Variants in DELE1 observed in about 807,000 individuals in gnomAD.
DELE1 encodes DAP3 binding cell death enhancer 1.
DELE1 carries 54 observed loss-of-function variants against 59.3 expected under a neutral mutation model. The observed-to-expected ratio is 0.91, with a 90% CI of 0.73 to 1.14. The LOEUF is 1.14. DELE1 is among the 50% of genes most tolerant of loss of function. The pLI is 0.00. For missense variants in DELE1, 636 were observed against 643.9 expected, an observed-to-expected ratio of 0.99 and a Z score of 0.13; for synonymous variants, 264 against 259.1, an observed-to-expected ratio of 1.02 and a Z score of -0.18.
chr5:141,934,213 G>A (rs759994121), intron 8 of DELE1, 27 bp from the exon 9 acceptor site: 53 of 1,572,548 alleles, frequency 3.4e-5, no homozygotes, highest in Non-Finnish European at 4.3e-5. Context: ...GTTGCCAGCC[G>A]ACTGGGTGTT....
intron 10 of DELE1, among the ~76,000 whole-genome samples, chr5:141,935,375 T>G (rs1752272225): frequency 1.3e-5 from 2 of 152,258 alleles, no homozygotes; most frequent in Admixed American, 1.3e-4. Flanking sequence ...AAAGGCCATC[T>G]GTAATTTGCT....
Position 141,940,207 on chromosome 5 carries a change from T to A in DELE1, c.*1448T>A, listed in dbSNP as rs1596629634. On this transcript the variant is annotated 3_prime_UTR_variant, in exon 12 of 12. Coordinates refer to ENST00000432126, the MANE Select transcript of DELE1 (RefSeq NM_014773.5). ...AGCCAGGGAGACGGGCAGGGGGAGC[T>A]GAAAGCTGAGGCTCCGTCCTCATCT... 1 of 985,400 alleles carries A rather than the reference T, an allele frequency of 1.0e-6. No homozygotes were observed. Among genetic ancestry groups the A allele is most frequent in the East Asian group, 1.1e-4 (1 of 8,810 alleles). The allele number at this position is 985,400 out of a possible 1,614,324, so 61.0% of individuals were successfully genotyped here. A position where few individuals can be genotyped will look rare whatever the true frequency, so the allele number is the denominator to read the frequency against.
Position 141,925,441 on chromosome 5 carries a change from G to T in DELE1, c.178G>T (p.Gly60Cys). 2 of 1,599,702 alleles carry T rather than the reference G, an allele frequency of 1.3e-6. No individual in the cohort carries two copies. Among genetic ancestry groups the T allele is most frequent in the Non-Finnish European group, 1.7e-6 (2 of 1,173,358 alleles). The change falls in exon 3 of 12, where the codon GGT (glycine) becomes TGT (cysteine). Residue 60 changes from glycine to cysteine, a missense_variant. Gly to Cys is a radical substitution (Grantham distance 159). Transcript: ENST00000432126. Reference protein sequence around the residue: ...SGPHGPGTSGGPRSHGWKDAF... With the variant: ...SGPHGPGTSGCPRSHGWKDAF... ...TCCCCATGGCCCAGGCACGAGCGGG[G>T]GTCCAAGGTCCCATGGATGGAAGGA... is the stretch of plus-strand genomic sequence containing the variant.
At chr5:141,927,049 A>G (rs1335066461) in intron 3 of DELE1, among the ~76,000 whole-genome samples, 1 of 152,166 alleles carries the variant, frequency 6.6e-6, no homozygotes, top group Non-Finnish European at 1.5e-5. Flanking sequence ...TGCTCTGTGT[A>G]ACTCTCTGAT....
rs200868932 is a variant in DELE1, at chr5:141,928,309, A to C, written c.412+11A>C. The C allele has an allele frequency of 1.6e-4, 256 of 1,612,818 alleles. No homozygotes were observed. The Middle Eastern group carries it at 2.5e-3, about 16-fold the overall frequency. ...GGCACCCATGCTCCTGTGAGTTCTC[A>C]GTCCTGGGGACAGGAGGGCTGGGCT... On this transcript the variant is annotated intron_variant, in intron 4 of 11. Coordinates refer to ENST00000432126, the MANE Select transcript of DELE1 (RefSeq NM_014773.5).
chr5:141,924,584 T>C lies in DELE1; in HGVS notation c.35T>C (p.Leu12Pro), dbSNP rs763969696. The change falls in exon 2 of 12, where the codon CTT (leucine) becomes CCT (proline). Residue 12 changes from leucine to proline, a missense_variant. Coordinates refer to ENST00000432126, the MANE Select transcript of DELE1 (RefSeq NM_014773.5). ...WRLPGLLGRALPRTLGPSLWR... is the reference protein window; with the variant it reads ...WRLPGLLGRAPPRTLGPSLWR... The stretch of plus-strand genomic sequence containing the variant: ...GAGTTTTGGTTGTTCTGTACAGCTC[T>C]TCCCCGTACACTGGGACCTAGCCTC... 9 of 1,601,580 alleles carry C rather than the reference T, an allele frequency of 5.6e-6. No individual in the cohort carries two copies. Among genetic ancestry groups the C allele is most frequent in the South Asian group, 4.4e-5 (4 of 90,850 alleles).
At chr5:141,926,571 T>G (rs1251128963) in intron 3 of DELE1, among the ~76,000 whole-genome samples, 1 of 152,234 alleles carries the variant, frequency 6.6e-6, no homozygotes, top group African/African-American at 2.4e-5. Flanking sequence ...CACATCACTC[T>G]CATGTTTGTC....
In DELE1 at chr5:141,937,290, G is replaced by T; in HGVS notation, c.1242G>T (p.Gln414His). 3 of 1,614,234 alleles carry T rather than the reference G, an allele frequency of 1.9e-6. No homozygotes were observed. The highest frequency in any genetic ancestry group is 2.5e-6 in the Non-Finnish European group (3 of 1,180,054). The change falls in exon 11 of 12, where the codon CAG becomes CAT. Residue 414 changes from glutamine (Q) to histidine (H), a missense_variant. Coordinates refer to ENST00000432126, the MANE Select transcript of DELE1 (RefSeq NM_014773.5). ...NLGEALRCYQ[Q>H]SAALGNEAAQ... ...GAGAGGCCTTGAGATGTTACCAGCA[G>T]TCAGCCGCTCTGGGAAATGAGGCCG...
chr5:141,934,277 A>G lies in DELE1; in HGVS notation c.935A>G (p.His312Arg). 1 of 1,612,972 alleles carries G rather than the reference A, an allele frequency of 6.2e-7. No homozygotes were observed. The highest frequency in any genetic ancestry group is 8.5e-7 in the Non-Finnish European group (1 of 1,179,278). ...LYYQLAASQGHSLAQYRYARC... is the reference protein window; with the variant it reads ...LYYQLAASQGRSLAQYRYARC... ...TATCAGTTGGCTGCCAGCCAGGGCC[A>G]CAGCCTGGCTCAGTACCGCTATGCC... is the stretch of plus-strand genomic sequence containing the variant. The change falls in exon 9 of 12, where the codon CAC (histidine) becomes CGC (arginine). Residue 312 changes from histidine to arginine, a missense_variant. His to Arg is a conservative substitution (Grantham distance 29). Transcript: ENST00000432126.
intron 3 of DELE1, among the ~76,000 whole-genome samples, chr5:141,927,061 A>C (rs749147134): frequency 1.3e-5 from 2 of 152,198 alleles, no homozygotes; most frequent in African/African-American, 2.4e-5. Context: ...CTCTCTGATT[A>C]GTTTCCTTCT....
rs754618016 is a variant in DELE1 at position 141,939,409 on chromosome 5, ACT to A, written c.*653_*654del. On this transcript the variant is annotated 3_prime_UTR_variant, in exon 12 of 12. Coordinates refer to ENST00000432126, the MANE Select transcript of DELE1 (RefSeq NM_014773.5). ...TCCATGAATGGCTGACACTTAGGAA[ACT>A]CTGAATTAGGCCATCCTCGAGACTA... The A allele has an allele frequency of 4.1e-6, 4 of 985,672 alleles. No homozygotes were observed. The highest frequency in any genetic ancestry group is 4.8e-6 in the Non-Finnish European group (4 of 829,880). 61.1% of individuals were successfully genotyped at this position (985,672 alleles called of 1,614,324 possible). A position where few individuals can be genotyped will look rare whatever the true frequency, so the allele number is the denominator to read the frequency against.
In DELE1 at chr5:141,928,253, C is replaced by A; in HGVS notation, c.367C>A (p.Pro123Thr). ...QRVEHCSWHS[P>T]LDRFFSSPLW... is the part of the protein sequence containing the mutation. ...GGTAGAACACTGCTCCTGGCACAGT[C>A]CCCTGGACCGTTTCTTCTCATCTCC... The change falls in exon 4 of 12, where the codon CCC becomes ACC. Residue 123 changes from proline to threonine, a missense_variant. Pro to Thr is a conservative substitution (Grantham distance 38). Coordinates refer to ENST00000432126, the MANE Select transcript of DELE1 (RefSeq NM_014773.5). 2.5e-6 allele frequency: 4 copies of A among 1,614,208 alleles called. No homozygotes were observed. Among genetic ancestry groups the A allele is most frequent in the Non-Finnish European group, 3.4e-6 (4 of 1,180,014 alleles).
chr5:141,938,161 G>A (rs1752519388), intron 11 of DELE1, among the ~76,000 whole-genome samples: 1 of 152,076 alleles, frequency 6.6e-6, no homozygotes, highest in African/African-American at 2.4e-5. Context: ...CACTGAACTT[G>A]GACTCCATGG....
Position 141,934,729 on chromosome 5 carries a change from T to C in DELE1, c.1149+143T>C, listed in dbSNP as rs1752225382. 4 of 771,656 alleles carry C rather than the reference T, an allele frequency of 5.2e-6. No homozygotes were observed. In the Admixed American group the frequency reaches 7.4e-5, roughly 14 times the overall value. The allele number at this position is 771,656 out of a possible 1,614,324, so 47.8% of individuals were successfully genotyped here. A position where few individuals can be genotyped will look rare whatever the true frequency, so the allele number is the denominator to read the frequency against. On this transcript the variant is annotated intron_variant, in intron 10 of 11. Coordinates refer to ENST00000432126, the MANE Select transcript of DELE1 (RefSeq NM_014773.5). ...GCTTCAAGCCTTAGCGCTCACTGAC[T>C]TACTGTGTGACCGTTGGGCAGTTGC...
chr5:141,930,029 C>T lies in DELE1; in HGVS notation c.612C>T (p.Ile204=), dbSNP rs369567807. ...DFGFLHASSS[I]ESEAKPAQPQ... ...GCTTCCTGCATGCCAGTAGTAGCAT[C>T]GAGTCCGAGGCAAAACCAGCCCAGC... The change falls in exon 6 of 12, where the codon ATC becomes ATT. Residue 204 remains isoleucine, a synonymous_variant. Coordinates refer to ENST00000432126, the MANE Select transcript of DELE1 (RefSeq NM_014773.5). 6 of 1,614,062 alleles carry T rather than the reference C, an allele frequency of 3.7e-6. No homozygotes were observed. Among genetic ancestry groups the T allele is most frequent in the South Asian group, 3.3e-5 (3 of 91,088 alleles).
At position 141,940,937 on chromosome 5, in the gene DELE1, A is replaced by C; in HGVS notation, c.*2178A>C. 1.0e-6 allele frequency: 1 copy of C among 973,178 alleles called. No individual in the cohort carries two copies. The highest frequency in any genetic ancestry group is 1.2e-6 in the Non-Finnish European group (1 of 818,794). The allele number at this position is 973,178 out of a possible 1,614,324, so 60.3% of individuals were successfully genotyped here. A position where few individuals can be genotyped will look rare whatever the true frequency, so the allele number is the denominator to read the frequency against. On this transcript the variant is annotated 3_prime_UTR_variant, in exon 12 of 12. Transcript: ENST00000432126. ...TGCACCAGACGTCCCCTTTTTATAG[A>C]TTCACAATACACATCAGCATATTTG...
At chr5:141,932,100 G>A (rs528260118) in intron 7 of DELE1, among the ~76,000 whole-genome samples, 5 of 152,320 alleles carry the variant, frequency 3.3e-5, no homozygotes, top group African/African-American at 1.2e-4. Context: ...GGTATATTAA[G>A]TAAGTGCCAA....
chr5:141,928,744 A>G (rs984737224), intron 4 of DELE1, among the ~76,000 whole-genome samples: 1 of 152,224 alleles, frequency 6.6e-6, no homozygotes, highest in Non-Finnish European at 1.5e-5. Context: ...TACTAGTCTT[A>G]TGTCCCTGAA....
chr5:141,931,471 C>G (rs1206514736), intron 7 of DELE1, among the ~76,000 whole-genome samples: 1 of 152,128 alleles, frequency 6.6e-6, no homozygotes, highest in African/African-American at 2.4e-5. Context: ...ATCTGATGTA[C>G]TTTTCCAAAG....
Sources: gnomAD v4.1 joint callset for allele counts (sites outside exome capture counted in the v4.1 genomes callset) on GRCh38, gnomAD v4.1.1 for gene constraint, MANE v1.5 for transcripts, NCBI Gene and HGNC (gene_info 2026-07-23, HGNC 2026-07-21) for gene names.